TCP11L2: variants seen among roughly 807,000 people sequenced by gnomAD.
The protein encoded by TCP11L2 is T-complex protein 11-like protein 2.
Under a neutral mutation model 50.7 loss-of-function variants are expected in TCP11L2, and 39 were observed. The observed-to-expected ratio is 0.77, with a 90% CI of 0.60 to 1.01. The LOEUF is 1.01. TCP11L2 is among the 50% of genes least tolerant of loss of function. TCP11L2 has a pLI of 0.00. For missense variants in TCP11L2, 612 were observed against 614.7 expected, an observed-to-expected ratio of 1.00 and a Z score of 0.05; for synonymous variants, 192 against 219.3, an observed-to-expected ratio of 0.88 and a Z score of 1.10.
At position 106,335,654 on chromosome 12, in the gene TCP11L2, C is replaced by G. The variant is rs185429315; in HGVS notation, c.788C>G (p.Thr263Ser). The G allele has an allele frequency of 7.7e-5, 124 of 1,614,160 alleles. No individual in the cohort carries two copies. The Admixed American group carries it at 1.5e-3, about 20-fold the overall frequency. ...LEETPSALDQ[T>S]TEWIKESVNE... ...TCACTCTTAGGTGCTCTTGATCAGACTACAGAATGGATAAAAGAATCTGTA... is the reference window on the plus strand; with the variant it reads ...TCACTCTTAGGTGCTCTTGATCAGAGTACAGAATGGATAAAAGAATCTGTA... Residue 263 changes from threonine to serine, a missense_variant, in exon 7 of 10, where the codon ACT becomes AGT. Transcript: ENST00000299045.
chr12:106,337,806 A>C (rs1035307434), intron 8 of TCP11L2, among the ~76,000 whole-genome samples: 2 of 152,202 alleles, frequency 1.3e-5, no homozygotes, highest in South Asian at 2.1e-4. Flanking sequence ...GTGGCACGTA[A>C]TATGTACTCA....
At chr12:106,330,438 G>A in intron 6 of TCP11L2, 1 of 429,184 alleles carries the variant, frequency 2.3e-6, no homozygotes, top group Non-Finnish European at 3.1e-6. Flanking sequence ...GCAGGGCAGG[G>A]CGGGAGGCTG....
chr12:106,299,188 T>G (rs1378637564), upstream of TCP11L2, among the ~76,000 whole-genome samples: 1 of 152,168 alleles, frequency 6.6e-6, no homozygotes, highest in Non-Finnish European at 1.5e-5. Context: ...GTTAGGCTCT[T>G]AAGGAAGACC....
chr12:106,308,998 T>C (rs371420491), intron 1 of TCP11L2, among the ~76,000 whole-genome samples: 3 of 152,288 alleles, frequency 2.0e-5, no homozygotes, highest in East Asian at 3.9e-4. Context: ...AGCGCTGTCA[T>C]GGAGATACAG....
chr12:106,337,642 TA>T (rs1184222198), intron 8 of TCP11L2, among the ~76,000 whole-genome samples: 4 of 152,338 alleles, frequency 2.6e-5, no homozygotes, highest in Admixed American at 2.6e-4. Flanking sequence ...GACCAGGGTT[TA>T]AATCCCAGCT....
chr12:106,314,480 C>G lies in TCP11L2; in HGVS notation c.280C>G (p.Leu94Val), dbSNP rs1231710561. 5 of 1,612,494 alleles carry G rather than the reference C, an allele frequency of 3.1e-6. No individual in the cohort carries two copies. The highest frequency in any genetic ancestry group is 2.7e-5 in the African/African-American group (2 of 74,756). Residue 94 changes from leucine to valine, a missense_variant, in exon 3 of 10, where the codon CTC becomes GTC. Coordinates refer to ENST00000299045, the MANE Select transcript of TCP11L2 (RefSeq NM_152772.3). ...NENFQLKQEALPEKSLAGRVK... is the reference protein window; with the variant it reads ...NENFQLKQEAVPEKSLAGRVK... Reference sequence around the variant, plus strand: ...GAACTTTCAATTGAAACAAGAGGCTCTCCCAGAAAAGAGGTAACCTGGGGG... The same window carrying G: ...GAACTTTCAATTGAAACAAGAGGCTGTCCCAGAAAAGAGGTAACCTGGGGG...
chr12:106,337,594 A>G (rs983138870), intron 8 of TCP11L2, among the ~76,000 whole-genome samples: 6 of 152,230 alleles, frequency 3.9e-5, no homozygotes, highest in Non-Finnish European at 1.5e-5. Flanking sequence ...AAGTATACAG[A>G]AAGTGGTTAC....
At chr12:106,299,753 T>C (rs1399507256), upstream of TCP11L2, among the ~76,000 whole-genome samples, 2 of 152,250 alleles carry the variant, frequency 1.3e-5, no homozygotes, top group Non-Finnish European at 2.9e-5. Context: ...CCTCATATTC[T>C]GTCCTAGATG....
At chr12:106,310,925 G>A (rs2034827766) in intron 1 of TCP11L2, 116 bp from the exon 2 acceptor site, 2 of 879,786 alleles carry the variant, frequency 2.3e-6, no homozygotes, top group Non-Finnish European at 3.4e-6. Flanking sequence ...AGGTCATCTG[G>A]GGGCCTTTCC....
intron 1 of TCP11L2, chr12:106,307,281 G>A (rs1037750712): frequency 1.3e-5 from 2 of 152,194 alleles, no homozygotes; most frequent in Non-Finnish European, 2.9e-5. Flanking sequence ...TCTTTGAATA[G>A]TGACCTGCTA....
intron 8 of TCP11L2, 23 bp downstream of exon 8, chr12:106,336,236 T>C: frequency 1.9e-6 from 3 of 1,591,594 alleles, no homozygotes; most frequent in Non-Finnish European, 2.6e-6. Context: ...TTTTTGCATC[T>C]GCTCCCTCTT....
intron 6 of TCP11L2, among the ~76,000 whole-genome samples, chr12:106,334,940 TAAAA>T (rs746865273): frequency 1.0e-4 from 15 of 150,506 alleles, no homozygotes; most frequent in Admixed American, 2.6e-4. Context: ...GACCCCGTCT[TAAAA>T]AAAAAGAAAA....
intron 6 of TCP11L2, among the ~76,000 whole-genome samples, chr12:106,326,576 T>C (rs1390782049): frequency 6.6e-6 from 1 of 152,200 alleles, no homozygotes; most frequent in African/African-American, 2.4e-5. Flanking sequence ...TAGTAGTCTA[T>C]GCAAGCATCA....
rs1244694446 is a variant in TCP11L2, at chr12:106,335,707, A to G, written c.841A>G (p.Ser281Gly). 1.2e-6 allele frequency: 2 copies of G among 1,614,104 alleles called. No individual in the cohort carries two copies. The highest frequency in any genetic ancestry group is 2.7e-5 in the African/African-American group (2 of 74,942). Reference sequence around the variant, plus strand: ...TGAAGAATTATTTTCTCTTTCTGAGAGTGCTTTAACTCCTGGGGCCGAAAA... The same window carrying G: ...TGAAGAATTATTTTCTCTTTCTGAGGGTGCTTTAACTCCTGGGGCCGAAAA... ...VNEELFSLSE[S>G]ALTPGAENTS... Residue 281 changes from serine to glycine, a missense_variant, in exon 7 of 10, where the codon AGT becomes GGT. Ser to Gly is a moderately conservative substitution (Grantham distance 56). Transcript: ENST00000299045.
chr12:106,307,184 GTGA>G (rs2034666241), intron 1 of TCP11L2: 2 of 152,204 alleles, frequency 1.3e-5, no homozygotes, highest in African/African-American at 4.8e-5. Context: ...CTGCATTCCA[GTGA>G]TGGTCTCAGA....
chr12:106,346,045 AC>A (rs1238620501), intron 9 of TCP11L2, among the ~76,000 whole-genome samples: 1 of 152,056 alleles, frequency 6.6e-6, no homozygotes, highest in African/African-American at 2.4e-5. Flanking sequence ...TGGCATTTCC[AC>A]CGCATTCTGT....
intron 1 of TCP11L2, chr12:106,303,876 C>A (rs1481017633): frequency 6.6e-6 from 1 of 152,128 alleles, no homozygotes; most frequent in Admixed American, 6.5e-5. Context: ...GGCACTCAAA[C>A]GACTTAAGTT....
rs1185183042 is a variant in TCP11L2, at chr12:106,346,258, G to A, written c.1316-28G>A. ...AAATTATGTACTTTAATAATGGACA[G>A]ATAAAAGTATCTTTTTTTCCCCTTC... On this transcript the variant is annotated intron_variant, in intron 9 of 9. Transcript: ENST00000299045. The A allele has an allele frequency of 3.8e-6, 6 of 1,581,356 alleles. No homozygotes were observed. In the Admixed American group the frequency reaches 5.6e-5, roughly 15 times the overall value.
intron 6 of TCP11L2, among the ~76,000 whole-genome samples, chr12:106,330,758 C>T (rs949308382): frequency 6.6e-6 from 1 of 152,100 alleles, no homozygotes; most frequent in African/African-American, 2.4e-5. Context: ...CTTCTTCTTG[C>T]CTTCTTTCCA....
Sources: allele counts gnomAD v4.1 joint callset (sites outside exome capture counted in the v4.1 genomes callset), GRCh38; gene constraint gnomAD v4.1.1; transcripts MANE v1.5; gene names NCBI Gene and HGNC (gene_info 2026-07-23, HGNC 2026-07-21).